The following MPDZ variants were observed in gnomAD, a reference collection of about 807,000 sequenced individuals.
The protein encoded by MPDZ is multiple PDZ domain protein.
In MPDZ, 234 loss-of-function variants were observed where a neutral mutation model predicts 239.1. The observed-to-expected ratio is 0.98, with a 90% confidence interval of 0.88 to 1.09. The LOEUF is 1.09. Among genes scored for constraint, MPDZ ranks in the 50% least tolerant of loss-of-function variants. The pLI, the probability that MPDZ is intolerant of heterozygous loss-of-function variation, is 0.00. For missense variants in MPDZ, 3,175 were observed against 2,510.0 expected (o/e 1.26, Z -5.66); for synonymous variants, 1,048 against 881.3 (o/e 1.19, Z -3.35).
chr9:13,249,505 C>T (rs1044069153), intron 2 of MPDZ, among the ~76,000 whole-genome samples: 1 of 152,116 alleles, frequency 6.6e-6, no homozygotes, highest in African/African-American at 2.4e-5. Context: ...AGTGATCCCA[C>T]GACCACAAAA....
At chr9:13,120,973 A>C (rs1944254599) in intron 38 of MPDZ, among the ~76,000 whole-genome samples, 1 of 152,252 alleles carries the variant, frequency 6.6e-6, no homozygotes. Context: ...AGATGGGCTT[A>C]TAATACTAAA....
At chr9:13,112,270 G>A in intron 42 of MPDZ, 124 bp from the exon 43 acceptor site, 3 of 1,013,088 alleles carry the variant, frequency 3.0e-6, no homozygotes, top group Non-Finnish European at 4.1e-6. Flanking sequence ...AAATGAAGAA[G>A]TGCAAGAAAA....
intron 1 of MPDZ, among the ~76,000 whole-genome samples, chr9:13,272,947 C>A (rs1973341721): frequency 6.6e-6 from 1 of 152,044 alleles, no homozygotes; most frequent in Non-Finnish European, 1.5e-5. Context: ...TCCTAACCCC[C>A]AAAGTAATGG....
At chr9:13,247,610 C>T in intron 3 of MPDZ, 25 bp downstream of exon 3, 3 of 1,590,196 alleles carry the variant, frequency 1.9e-6, no homozygotes, top group Non-Finnish European at 2.6e-6. Flanking sequence ...GTCGTGAATG[C>T]CTGCTTGGGT....
At chr9:13,125,844 A>G (rs960193997) in intron 34 of MPDZ, among the ~76,000 whole-genome samples, 16 of 152,208 alleles carry the variant, frequency 1.1e-4, no homozygotes, top group Admixed American at 1.3e-4. Flanking sequence ...AAGGTAAACG[A>G]AAAGTTAAAA....
At chr9:13,150,835 T>A in intron 24 of MPDZ, 147 bp from the exon 25 acceptor site, 1 of 541,534 alleles carries the variant, frequency 1.8e-6, no homozygotes, top group Non-Finnish European at 2.8e-6. Context: ...TTATCAAAAT[T>A]AAAAACTTCT....
chr9:13,240,199 G>C (rs1965049349), intron 3 of MPDZ, among the ~76,000 whole-genome samples: 2 of 151,930 alleles, frequency 1.3e-5, no homozygotes, highest in African/African-American at 4.8e-5. Context: ...AATCTGCTTA[G>C]AGGAAAATAA....
intron 24 of MPDZ, 127 bp downstream of exon 24, chr9:13,157,891 T>C: frequency 4.1e-6 from 3 of 737,992 alleles, no homozygotes; most frequent in African/African-American, 1.7e-5. Context: ...AATGATGGGT[T>C]AGAAGTATTA....
At chr9:13,197,341 G>C (rs368488567) in intron 12 of MPDZ, among the ~76,000 whole-genome samples, 1 of 152,012 alleles carries the variant, frequency 6.6e-6, no homozygotes, top group Non-Finnish European at 1.5e-5. Context: ...GTCTTGCTCT[G>C]TTGCTCAGGC....
chr9:13,240,921 C>A (rs2137320725), intron 3 of MPDZ, among the ~76,000 whole-genome samples: 1 of 152,140 alleles, frequency 6.6e-6, no homozygotes, highest in Admixed American at 6.5e-5. Context: ...CTCCAAAGAC[C>A]ATTTAACATT....
chr9:13,222,051 T>C (rs1295899994), intron 6 of MPDZ, among the ~76,000 whole-genome samples, 182 bp downstream of exon 6: 1 of 152,110 alleles, frequency 6.6e-6, no homozygotes, highest in African/African-American at 2.4e-5. Flanking sequence ...GTAATTGTTG[T>C]TTTAGAACTT....
intron 26 of MPDZ, among the ~76,000 whole-genome samples, chr9:13,146,751 T>A (rs1948489974): frequency 6.6e-6 from 1 of 151,656 alleles, no homozygotes; most frequent in Non-Finnish European, 1.5e-5. Flanking sequence ...GCATGTGAAT[T>A]TTTTTTTTCA....
intron 32 of MPDZ, among the ~76,000 whole-genome samples, chr9:13,131,936 T>C (rs1297443879): frequency 6.6e-6 from 1 of 152,188 alleles, no homozygotes; most frequent in Non-Finnish European, 1.5e-5. Context: ...CTTAAAATCA[T>C]TAAAATCATG....
chr9:13,276,431 A>G (rs1422060477), intron 1 of MPDZ: 1 of 152,236 alleles, frequency 6.6e-6, no homozygotes, highest in Admixed American at 6.5e-5. Context: ...ACTAATTTAC[A>G]AGAAAAAATG....
intron 3 of MPDZ, among the ~76,000 whole-genome samples, chr9:13,241,703 G>C (rs755065688): frequency 3.9e-5 from 6 of 152,198 alleles, no homozygotes; most frequent in Non-Finnish European, 7.3e-5. Context: ...AAAATGCTCA[G>C]TTCACAAAGT....
At chr9:13,167,143 C>T (rs907635524) in intron 22 of MPDZ, among the ~76,000 whole-genome samples, 8 of 152,098 alleles carry the variant, frequency 5.3e-5, no homozygotes, top group African/African-American at 1.7e-4. Flanking sequence ...TACATAGTCT[C>T]CACATGATCT....
intron 26 of MPDZ, among the ~76,000 whole-genome samples, chr9:13,145,677 A>C (rs115745155): frequency 6.6e-6 from 1 of 152,042 alleles, no homozygotes; most frequent in African/African-American, 2.4e-5. Flanking sequence ...GACTTGACTA[A>C]ACATGTCATT....
chr9:13,172,808 T>C (rs1034082089), intron 21 of MPDZ, among the ~76,000 whole-genome samples: 2 of 152,212 alleles, frequency 1.3e-5, no homozygotes, highest in African/African-American at 4.8e-5. Context: ...CACTTCTACC[T>C]TTCACTGTTT....
chr9:13,200,348 CG>C (rs1203309097), intron 12 of MPDZ, among the ~76,000 whole-genome samples: 1 of 151,712 alleles, frequency 6.6e-6, no homozygotes, highest in Non-Finnish European at 1.5e-5. Context: ...CTTACTATGG[CG>C]AAAGACTTGA....
Sources: allele counts gnomAD v4.1 joint callset (sites outside exome capture counted in the v4.1 genomes callset), GRCh38; gene constraint gnomAD v4.1.1; transcripts MANE v1.5; gene names NCBI Gene and HGNC (gene_info 2026-07-23, HGNC 2026-07-21).